The following KRT8 variants were observed in gnomAD, a reference collection of about 807,000 sequenced individuals.
The protein encoded by KRT8 is keratin, type II cytoskeletal 8.
Under a neutral mutation model 43.0 loss-of-function variants are expected in KRT8, and 24 were observed. The ratio of observed to expected loss-of-function variants is 0.56; its 90% CI spans 0.40 to 0.78. KRT8 has a LOEUF of 0.78. Among genes scored for constraint, KRT8 ranks in the 30% least tolerant of loss-of-function variants. The pLI is 0.00. For missense variants in KRT8, 492 were observed against 638.4 expected (o/e 0.77, Z 2.47); for synonymous variants, 214 against 261.2 (o/e 0.82, Z 1.74).
intron 5 of KRT8, among the ~76,000 whole-genome samples, chr12:52,899,184 G>T (rs1030640624): frequency 2.0e-5 from 3 of 152,130 alleles, no homozygotes; most frequent in South Asian, 2.1e-4. Context: ...GCCTGGTGGC[G>T]GGCGCCTGTA....
chr12:52,900,546 C>A (rs199935897), intron 4 of KRT8, 42 bp downstream of exon 4: 42 of 1,339,982 alleles, frequency 3.1e-5, no homozygotes, highest in Admixed American at 2.9e-4. Context: ...GAGGCGCTGA[C>A]AAGGCTGGGG....
At chr12:52,907,064 C>A, upstream of KRT8, 1 of 243,474 alleles carries the variant, frequency 4.1e-6, no homozygotes, top group South Asian at 4.7e-5. Flanking sequence ...CAAGAGCGGG[C>A]ACAGTGAGTG....
intron 2 of KRT8, among the ~76,000 whole-genome samples, chr12:52,919,345 C>T (rs962087621): frequency 6.6e-6 from 1 of 152,188 alleles, no homozygotes; most frequent in Admixed American, 6.5e-5. Flanking sequence ...CAGCTCACTG[C>T]AACCTTCGCT....
At chr12:52,921,288 A>T (rs1399841153) in intron 2 of KRT8, among the ~76,000 whole-genome samples, 6 of 152,214 alleles carry the variant, frequency 3.9e-5, no homozygotes, top group Non-Finnish European at 8.8e-5. Context: ...TCCAGGGAAC[A>T]TTAAGAGAAG....
chr12:52,947,105 C>T (rs1942356380), intron 2 of KRT8: 1 of 152,432 alleles, frequency 6.6e-6, no homozygotes, highest in African/African-American at 2.4e-5. Flanking sequence ...TCATACCAGG[C>T]CCTGCCAGAA....
intron 2 of KRT8, chr12:52,926,535 T>G: frequency 1.5e-6 from 2 of 1,318,576 alleles, no homozygotes; most frequent in Non-Finnish European, 2.1e-6. Flanking sequence ...AAGTGGCCAC[T>G]CCTATAGAGA....
chr12:52,942,900 T>C (rs1942289542), intron 2 of KRT8, among the ~76,000 whole-genome samples: 1 of 151,990 alleles, frequency 6.6e-6, no homozygotes, highest in Non-Finnish European at 1.5e-5. Flanking sequence ...CGCTTCTGAT[T>C]GGGGAGGAAG....
At chr12:52,912,738 A>G (rs1000243972) in intron 2 of KRT8, among the ~76,000 whole-genome samples, 3 of 152,206 alleles carry the variant, frequency 2.0e-5, no homozygotes, top group African/African-American at 7.2e-5. Flanking sequence ...AGCCTTTTCC[A>G]TGGCCATGGC....
chr12:52,933,250 A>T (rs1454862156), intron 2 of KRT8, among the ~76,000 whole-genome samples: 1 of 152,018 alleles, frequency 6.6e-6, no homozygotes. Context: ...CGGCCTCACA[A>T]AATTACGTTT....
chr12:52,911,545 C>CA (rs907149662), upstream of KRT8, among the ~76,000 whole-genome samples: 22 of 151,634 alleles, frequency 1.5e-4, no homozygotes, highest in East Asian at 3.9e-4. Context: ...ACATACAGTG[C>CA]AAAAAAAATG....
At chr12:52,931,145 G>A (rs1942076495) in intron 2 of KRT8, among the ~76,000 whole-genome samples, 1 of 150,662 alleles carries the variant, frequency 6.6e-6, no homozygotes. Context: ...TCGGCTCACT[G>A]CAAGCTCCGC....
At chr12:52,946,468 G>GACT (rs1942345302) in intron 2 of KRT8, 1 of 152,174 alleles carries the variant, frequency 6.6e-6, no homozygotes, top group Admixed American at 6.5e-5. Context: ...TGAGGAAATA[G>GACT]ACTGGACAGG....
upstream of KRT8, chr12:52,906,523 G>C (rs1941523095): frequency 8.1e-6 from 3 of 369,442 alleles, no homozygotes; most frequent in Non-Finnish European, 1.6e-5. Flanking sequence ...GCACGCACCT[G>C]TGGGAGGTTG....
At chr12:52,932,236 C>T (rs1942096459) in intron 2 of KRT8, among the ~76,000 whole-genome samples, 1 of 151,944 alleles carries the variant, frequency 6.6e-6, no homozygotes, top group East Asian at 1.9e-4. Flanking sequence ...TTACAAGCGC[C>T]TGCAACCACA....
At chr12:52,899,646 G>A (rs1941312227) in intron 5 of KRT8, 129 bp downstream of exon 5, 3 of 762,828 alleles carry the variant, frequency 3.9e-6, no homozygotes, top group Non-Finnish European at 6.5e-6. Context: ...AACTGTGGCT[G>A]CCCCTCCAAC....
intron 4 of KRT8, 131 bp from the exon 5 acceptor site, chr12:52,900,196 G>A: frequency 1.1e-6 from 1 of 891,660 alleles, no homozygotes; most frequent in Non-Finnish European, 1.7e-6. Flanking sequence ...CAGGGTCAGG[G>A]AGAGGGCAAA....
At chr12:52,902,054 G>C (rs1384365095) in exon 2 of KRT8, 4 of 1,601,478 alleles carry the variant, frequency 2.5e-6, no homozygotes, top group Non-Finnish European at 2.5e-6. Flanking sequence ...ATCTTGTTCT[G>C]CTGCTCCAGG....
At chr12:52,898,037 G>A (rs142806865) in intron 7 of KRT8, among the ~76,000 whole-genome samples, 3,580 of 152,252 alleles carry the variant, frequency 0.024, 72 homozygotes, top group Admixed American at 0.053. Flanking sequence ...GGTGGTATGC[G>A]CCTGTAGTCC....
chr12:52,929,473 C>T (rs7487210), intron 2 of KRT8, among the ~76,000 whole-genome samples: 35 of 152,336 alleles, frequency 2.3e-4, no homozygotes, highest in African/African-American at 8.2e-4. Flanking sequence ...GGATTATAGG[C>T]GTGAGCCACC....
Sources: gnomAD v4.1 joint callset for allele counts (sites outside exome capture counted in the v4.1 genomes callset) on GRCh38, gnomAD v4.1.1 for gene constraint, MANE v1.5 for transcripts, NCBI Gene and HGNC (gene_info 2026-07-23, HGNC 2026-07-21) for gene names.